Variants in CPXM2 observed in about 807,000 individuals in gnomAD.
CPXM2 encodes carboxypeptidase X, M14 family member 2, also known as inactive carboxypeptidase-like protein X2.
CPXM2 carries 66 observed loss-of-function variants against 86.1 expected under a neutral mutation model. The ratio of observed to expected loss-of-function variants is 0.77; its 90% confidence interval spans 0.63 to 0.94. CPXM2 has a LOEUF of 0.94. Ranked by LOEUF, CPXM2 falls within the 40% of genes least tolerant of loss-of-function variation. CPXM2 has a pLI of 0.00. For missense variants in CPXM2, 948 were observed against 1,026.3 expected (o/e 0.92, Z 1.04); for synonymous variants, 388 against 400.2 (o/e 0.97, Z 0.36).
chr10:123,819,129 A>T (rs1847874222), intron 4 of CPXM2, among the ~76,000 whole-genome samples: 1 of 152,210 alleles, frequency 6.6e-6, no homozygotes, highest in Admixed American at 6.5e-5. Flanking sequence ...AGGGAGTTAC[A>T]GTGTTGGCTG....
At chr10:123,793,379 C>T (rs754579283) in intron 6 of CPXM2, among the ~76,000 whole-genome samples, 41 of 143,768 alleles carry the variant, frequency 2.9e-4, no homozygotes, top group Admixed American at 1.6e-3. Flanking sequence ...AGGAGAATAG[C>T]GTGAACCTGG....
chr10:123,758,367 G>C (rs1385499273), intron 11 of CPXM2, among the ~76,000 whole-genome samples: 1 of 151,986 alleles, frequency 6.6e-6, no homozygotes, highest in Non-Finnish European at 1.5e-5. Context: ...AGCTTCTGGG[G>C]GCCCCCTGGC....
In CPXM2 at chr10:123,780,229, T is replaced by C. The variant is rs764262720; in HGVS notation, c.916A>G (p.Asn306Asp). 4.3e-6 allele frequency: 7 copies of C among 1,609,698 alleles called. No homozygotes were observed. The African/African-American group carries it at 9.4e-5, about 22-fold the overall frequency. ...PDPNNYYHRR[N>D]EMTTTDDLDF... ...AGGTCATCAGTGGTGGTCATCTCGT[T>C]CCGGCGGTGATAATAATTATTAGGA... The change falls in exon 7 of 14, where the codon AAC becomes GAC. Residue 306 changes from asparagine to aspartate, a missense_variant. Physicochemically the swap from Asn to Asp is conservative, Grantham distance 23 (BLOSUM62 1). Coordinates refer to ENST00000241305, the MANE Select transcript of CPXM2 (RefSeq NM_198148.3).
intron 4 of CPXM2, among the ~76,000 whole-genome samples, chr10:123,803,808 C>T (rs1847517311): frequency 6.6e-6 from 1 of 151,854 alleles, no homozygotes; most frequent in South Asian, 2.1e-4. Flanking sequence ...ACTACAGGCA[C>T]GTGCCACCAC....
intron 2 of CPXM2, among the ~76,000 whole-genome samples, chr10:123,918,592 T>C (rs963029195): frequency 2.0e-5 from 3 of 152,180 alleles, no homozygotes; most frequent in African/African-American, 7.2e-5. Flanking sequence ...AGAGAAATCC[T>C]CCCTTTCTGG....
At chr10:123,820,377 C>G (rs1183569300) in intron 4 of CPXM2, among the ~76,000 whole-genome samples, 1 of 152,052 alleles carries the variant, frequency 6.6e-6, no homozygotes, top group Non-Finnish European at 1.5e-5. Context: ...AGCTCAGACC[C>G]CAGGTTCCAG....
chr10:123,932,872 C>A (rs1945678394), intron 2 of CPXM2, among the ~76,000 whole-genome samples: 1 of 152,194 alleles, frequency 6.6e-6, no homozygotes, highest in Non-Finnish European at 1.5e-5. Context: ...AGGCCAGTCT[C>A]AGTGCAAGGG....
At chr10:123,761,219 T>G (rs1846329175) in intron 11 of CPXM2, among the ~76,000 whole-genome samples, 1 of 152,174 alleles carries the variant, frequency 6.6e-6, no homozygotes, top group African/African-American at 2.4e-5. Flanking sequence ...CAGCACACAG[T>G]CGGCGTTGAC....
At chr10:123,830,483 G>A (rs1447804126) in intron 4 of CPXM2, among the ~76,000 whole-genome samples, 1 of 152,186 alleles carries the variant, frequency 6.6e-6, no homozygotes, top group Non-Finnish European at 1.5e-5. Context: ...CTTCATTTGT[G>A]CAAGGCACTG....
rs1240256022 is a variant in CPXM2 at position 123,890,020 on chromosome 10, A to G, written c.304+1336T>C. On this transcript the variant is annotated intron_variant, in intron 1 of 13. Transcript: ENST00000241305. Reference sequence around the variant, plus strand: ...AGAAGAAAGGCTTTCAAATATCCCAAGCCAGCAAGTGACGCTGAGCAAGTT... The same window carrying G: ...AGAAGAAAGGCTTTCAAATATCCCAGGCCAGCAAGTGACGCTGAGCAAGTT... Among the ~76,000 whole-genome samples, 7 of 152,254 alleles carry G rather than the reference A, an allele frequency of 4.6e-5. No homozygotes were observed. The South Asian group carries it at 1.4e-3, about 32-fold the overall frequency.
At position 123,768,709 on chromosome 10, in the gene CPXM2, G is replaced by C. The variant is rs770692756; in HGVS notation, c.1116C>G (p.Phe372Leu). 1 of 1,609,168 alleles carries C rather than the reference G, an allele frequency of 6.2e-7. No individual in the cohort carries two copies. The highest frequency in any genetic ancestry group is 8.5e-7 in the Non-Finnish European group (1 of 1,179,860). Reference protein sequence around the residue: ...PGEHEVGEPEFHYIAGAHGNE... With the variant: ...PGEHEVGEPELHYIAGAHGNE... ...TGCCGTGGGCCCCCGCGATGTAGTG[G>C]AACTCGGGCTCACCTTTACTCAAAG... The change falls in exon 9 of 14, where the codon TTC (phenylalanine) becomes TTG (leucine). Residue 372 changes from phenylalanine to leucine, a missense_variant. Coordinates refer to ENST00000241305, the MANE Select transcript of CPXM2 (RefSeq NM_198148.3).
chr10:123,904,553 C>T (rs748459100), intron 2 of CPXM2, among the ~76,000 whole-genome samples: 17 of 152,194 alleles, frequency 1.1e-4, no homozygotes, highest in Admixed American at 3.9e-4. Context: ...TTATTCCCAT[C>T]ATCACTGTCA....
intron 8 of CPXM2, among the ~76,000 whole-genome samples, 198 bp from the exon 9 acceptor site, chr10:123,768,920 T>C (rs1446389995): frequency 1.3e-5 from 2 of 152,124 alleles, no homozygotes; most frequent in South Asian, 4.1e-4. Context: ...TGTAAGAAAA[T>C]GTGTAGAAAA....
chr10:123,827,883 G>A (rs1344594150), intron 4 of CPXM2, among the ~76,000 whole-genome samples: 1 of 152,138 alleles, frequency 6.6e-6, no homozygotes, highest in Admixed American at 6.5e-5. Flanking sequence ...AATAAATCAG[G>A]GTGGGCAAGG....
intron 2 of CPXM2, among the ~76,000 whole-genome samples, chr10:123,921,219 G>A (rs979768327): frequency 2.6e-5 from 4 of 152,092 alleles, no homozygotes; most frequent in Non-Finnish European, 5.9e-5. Flanking sequence ...GAAGAAGATG[G>A]TCAGTTATTT....
chr10:123,875,807 CTTT>C (rs780970130), intron 2 of CPXM2, among the ~76,000 whole-genome samples: 86 of 84,658 alleles, frequency 1.0e-3, no homozygotes, highest in African/African-American at 3.3e-3. Flanking sequence ...TCTTTTCTTT[CTTT>C]TTTTTTTTTT....
chr10:123,826,710 A>G (rs1370907100), intron 4 of CPXM2, among the ~76,000 whole-genome samples: 1 of 152,152 alleles, frequency 6.6e-6, no homozygotes, highest in African/African-American at 2.4e-5. Flanking sequence ...GAAACACACA[A>G]AGCGATTCAG....
chr10:123,781,582 C>T (rs949728662), intron 6 of CPXM2, among the ~76,000 whole-genome samples: 2 of 152,316 alleles, frequency 1.3e-5, no homozygotes, highest in Admixed American at 1.3e-4. Context: ...ATGCAGCTGT[C>T]TGTTTAACCC....
At chr10:123,751,882 G>A in intron 13 of CPXM2, 1 of 985,382 alleles carries the variant, frequency 1.0e-6, no homozygotes, top group Non-Finnish European at 1.2e-6. Flanking sequence ...TCAAGGGAGG[G>A]AGATGCATTT....
Sources: gnomAD v4.1 joint callset for allele counts (sites outside exome capture counted in the v4.1 genomes callset) on GRCh38, gnomAD v4.1.1 for gene constraint, MANE v1.5 for transcripts, NCBI Gene and HGNC (gene_info 2026-07-23, HGNC 2026-07-21) for gene names.